PIGG: variants seen among roughly 807,000 people sequenced by gnomAD.
The protein encoded by PIGG is phosphatidylinositol glycan anchor biosynthesis class G (EMM blood group).
A neutral mutation model predicts 83.2 loss-of-function variants in PIGG; 70 were observed. The ratio of observed to expected loss-of-function variants is 0.84; its 90% CI spans 0.69 to 1.03. PIGG has a LOEUF of 1.03. PIGG is among the 50% of genes least tolerant of loss of function. PIGG has a pLI of 0.00. For synonymous variants in PIGG, 532 were observed against 519.5 expected, an observed-to-expected ratio of 1.02 and a Z score of -0.33; for missense variants, 1,257 against 1,233.6, an observed-to-expected ratio of 1.02 and a Z score of -0.28.
chr4:513,275 C>A (rs1305774949), intron 5 of PIGG, among the ~76,000 whole-genome samples: 1 of 152,128 alleles, frequency 6.6e-6, no homozygotes, highest in Non-Finnish European at 1.5e-5. Context: ...CCCTATAGTT[C>A]TGAAGGATTT....
rs1577064306 is a variant in PIGG at position 515,156 on chromosome 4, A to G, written c.902-817A>G. 2.0e-5 allele frequency among the ~76,000 whole-genome samples: 3 copies of G among 152,190 alleles called. No homozygotes were observed. The highest frequency in any genetic ancestry group is 7.2e-5 in the African/African-American group (3 of 41,446). ...AGTATCTAAAGACACCTCACGCACC[A>G]CCTATCCTGAGTAGCCGTCCCTGTG... On this transcript the variant is annotated intron_variant, in intron 5 of 12. Transcript: ENST00000453061. This position sits in a 1 kb window ranked among gnomAD's most constrained non-coding sequence, Gnocchi z 4.2.
chr4:515,279 T>A lies in PIGG; in HGVS notation c.902-694T>A, dbSNP rs1723448000. Among the ~76,000 whole-genome samples the A allele has an allele frequency of 6.6e-6, 1 of 152,210 alleles. No individual in the cohort carries two copies. Among genetic ancestry groups the A allele is most frequent in the Admixed American group, 6.5e-5 (1 of 15,286 alleles). On this transcript the variant is annotated intron_variant, in intron 5 of 12. Coordinates refer to ENST00000453061, the MANE Select transcript of PIGG (RefSeq NM_001127178.3). The surrounding 1 kb of genome is among the most constrained non-coding windows in gnomAD (Gnocchi z 4.2). ...CACTTCGACCAAGTTGAGTTTCTGC[T>A]CCGAAATCATAGTGGATGGTGGCAG...
At chr4:499,827 G>T in intron 1 of PIGG, 1 of 770,358 alleles carries the variant, frequency 1.3e-6, no homozygotes, top group Non-Finnish European at 1.7e-6. Flanking sequence ...CGTTATAGGC[G>T]CCCTTTTTGC....
At chr4:505,670 C>G (rs2108787145) in intron 2 of PIGG, 48 bp from the exon 3 acceptor site, 2 of 1,344,408 alleles carry the variant, frequency 1.5e-6, no homozygotes, top group African/African-American at 1.4e-5. Flanking sequence ...CCTTTTCATG[C>G]TCCGGTTTTG....
chr4:526,484 G>A (rs1727646802), intron 9 of PIGG, among the ~76,000 whole-genome samples: 2 of 152,188 alleles, frequency 1.3e-5, no homozygotes, highest in Admixed American at 6.5e-5. Flanking sequence ...ACCCAGGAGC[G>A]GGTGACAGCA....
chr4:504,336 G>T (rs1017817681), intron 2 of PIGG, among the ~76,000 whole-genome samples: 2 of 152,190 alleles, frequency 1.3e-5, no homozygotes, highest in Non-Finnish European at 2.9e-5. Flanking sequence ...ACCTCCCTGG[G>T]TGTGGGGCTT....
intron 6 of PIGG, among the ~76,000 whole-genome samples, chr4:519,462 A>G (rs1560324223): frequency 1.3e-5 from 2 of 152,238 alleles, no homozygotes; most frequent in Non-Finnish European, 2.9e-5. Context: ...GTAGCAATGA[A>G]GGATGCCAGC....
chr4:530,874 C>A, intron 11 of PIGG, 129 bp downstream of exon 11: 2 of 683,588 alleles, frequency 2.9e-6, no homozygotes, highest in Non-Finnish European at 5.1e-6. Context: ...TTACGCTGAA[C>A]TCTCGTGTAT....
At chr4:501,870 A>C (rs1717866661) in intron 2 of PIGG, 1 of 152,290 alleles carries the variant, frequency 6.6e-6, no homozygotes, top group African/African-American at 2.4e-5. Flanking sequence ...TAAAATATGA[A>C]TCAATGAAGA....
intron 5 of PIGG, among the ~76,000 whole-genome samples, chr4:512,775 A>T (rs555391683): frequency 6.6e-6 from 1 of 152,106 alleles, no homozygotes; most frequent in East Asian, 2.0e-4. Context: ...AGATCGCACC[A>T]CTGCACTCCA....
At chr4:534,003 A>C in intron 12 of PIGG, 22 bp downstream of exon 12, 1 of 1,611,506 alleles carries the variant, frequency 6.2e-7, no homozygotes, top group Non-Finnish European at 8.5e-7. Context: ...CTCTGCCGTC[A>C]GCACAGTTCT....
chr4:514,580 A>G (rs1723231824), intron 5 of PIGG, among the ~76,000 whole-genome samples: 1 of 152,198 alleles, frequency 6.6e-6, no homozygotes, highest in Non-Finnish European at 1.5e-5. Context: ...TCTCAGAGCT[A>G]CCAGTGCTAG....
chr4:535,625 C>T (rs924788562), intron 12 of PIGG, among the ~76,000 whole-genome samples: 2 of 152,202 alleles, frequency 1.3e-5, no homozygotes, highest in Non-Finnish European at 2.9e-5. Flanking sequence ...AGGGCTCCTA[C>T]GTCCTCCCAT....
intron 2 of PIGG, among the ~76,000 whole-genome samples, chr4:505,267 T>A (rs782041998): frequency 3.3e-5 from 5 of 151,798 alleles, no homozygotes; most frequent in African/African-American, 4.8e-5. Context: ...TTTAATATGG[T>A]TATCTTTGTT....
intron 5 of PIGG, among the ~76,000 whole-genome samples, chr4:509,362 C>T (rs562408448): frequency 2.0e-5 from 3 of 152,250 alleles, no homozygotes; most frequent in East Asian, 1.9e-4. Flanking sequence ...TCATGGGACC[C>T]GGCCAGAGCA....
Position 499,417 on chromosome 4 carries a change from T to G in PIGG, c.82T>G (p.Phe28Val). 6.2e-7 allele frequency: 1 copy of G among 1,608,700 alleles called. No individual in the cohort carries two copies. Among genetic ancestry groups the G allele is most frequent in the Non-Finnish European group, 8.5e-7 (1 of 1,179,802 alleles). Residue 28 changes from phenylalanine (F) to valine (V), a missense_variant, in exon 1 of 13, where the codon TTC (phenylalanine) becomes GTC (valine). By Grantham distance (50) the Phe-to-Val change is conservative. Coordinates refer to ENST00000453061, the MANE Select transcript of PIGG (RefSeq NM_001127178.3). ...LGIAVFLRGF[F>V]PAPVRSSARA... Reference sequence around the variant, plus strand: ...GATCGCGGTCTTCCTTCGGGGATTCTTCCCGGCTCCCGTTCGTTCCTCTGC... The same window carrying G: ...GATCGCGGTCTTCCTTCGGGGATTCGTCCCGGCTCCCGTTCGTTCCTCTGC...
At chr4:516,685 G>A (rs532244962) in intron 6 of PIGG, among the ~76,000 whole-genome samples, 6 of 151,950 alleles carry the variant, frequency 3.9e-5, no homozygotes, top group African/African-American at 4.8e-5. Context: ...GTGAAACCCC[G>A]TCTCTACTAA....
intron 11 of PIGG, chr4:533,380 G>T: frequency 5.8e-6 from 1 of 171,890 alleles, no homozygotes; most frequent in Non-Finnish European, 1.3e-5. Context: ...CTTCAGCCCA[G>T]CTCCCCGCTT....
intron 3 of PIGG, chr4:506,778 G>A (rs1251705400): frequency 2.2e-6 from 1 of 456,204 alleles, no homozygotes. Flanking sequence ...TGTGATCATT[G>A]AGTGCTGTGT....
Sources: allele counts gnomAD v4.1 joint callset (sites outside exome capture counted in the v4.1 genomes callset), GRCh38; gene constraint gnomAD v4.1.1; non-coding constraint Gnocchi (gnomAD v3.1); transcripts MANE v1.5; gene names NCBI Gene and HGNC (gene_info 2026-07-23, HGNC 2026-07-21).